The following ALDH1A1 variants were observed in gnomAD, a reference collection of about 807,000 sequenced individuals.
The protein encoded by ALDH1A1 is aldehyde dehydrogenase 1A1.
A neutral mutation model predicts 62.1 loss-of-function variants in ALDH1A1; 19 were observed. The ratio of observed to expected loss-of-function variants is 0.31; its 90% CI spans 0.21 to 0.45. The LOEUF is 0.45. ALDH1A1 is among the 20% of genes least tolerant of loss of function. The pLI is 1.00. For missense variants in ALDH1A1, 521 were observed against 607.1 expected, an observed-to-expected ratio of 0.86 and a Z score of 1.49; for synonymous variants, 231 against 215.9, an observed-to-expected ratio of 1.07 and a Z score of -0.61.
Position 72,952,976 on chromosome 9 carries a change from A to G in ALDH1A1, c.25T>C (p.Leu9=). The stretch of plus-strand genomic sequence containing the variant: ...TTCAAATCGGTGAGTAGGACAGGTA[A>G]GTCTGGCGTGCCTGAGGATGACATT... MSSSGTPD[L]PVLLTDLKIQ... Residue 9 remains leucine, a synonymous_variant, in exon 1 of 13, where the codon TTA becomes CTA. Transcript: ENST00000297785. 1 of 1,613,210 alleles carries G rather than the reference A, an allele frequency of 6.2e-7. No homozygotes were observed. Among genetic ancestry groups the G allele is most frequent in the Non-Finnish European group, 8.5e-7 (1 of 1,179,360 alleles).
intron 1 of ALDH1A1, chr9:72,942,381 A>C: frequency 2.0e-6 from 2 of 985,220 alleles, no homozygotes; most frequent in Non-Finnish European, 2.4e-6. Context: ...ACTGTCCCCC[A>C]GCCCTATCTC....
chr9:72,917,805 C>G (rs1408684049), intron 8 of ALDH1A1, among the ~76,000 whole-genome samples: 1 of 152,098 alleles, frequency 6.6e-6, no homozygotes, highest in Non-Finnish European at 1.5e-5. Flanking sequence ...ATTTTCTTTG[C>G]ATTTTAATTT....
intron 1 of ALDH1A1, 33 bp downstream of exon 1, chr9:72,952,902 C>T (rs765643108): frequency 1.1e-5 from 17 of 1,606,914 alleles, no homozygotes; most frequent in Middle Eastern, 1.7e-4. Context: ...TTTGCAAACC[C>T]GAGTCAAAGC....
chr9:72,952,848 A>C, intron 1 of ALDH1A1, 87 bp downstream of exon 1: 1 of 1,477,348 alleles, frequency 6.8e-7, no homozygotes, highest in Non-Finnish European at 9.2e-7. Context: ...CTCTTTACAC[A>C]AGTTTACTTA....
In ALDH1A1 at chr9:72,950,633, C is replaced by T. The variant is rs139405341; in HGVS notation, c.66+2302G>A. Among the ~76,000 whole-genome samples, 778 of 151,708 alleles carry T rather than the reference C, an allele frequency of 5.1e-3. 5 individuals are homozygous for T. The highest frequency in any genetic ancestry group is 0.017 in the African/African-American group (688 of 41,428). On this transcript the variant is annotated intron_variant, in intron 1 of 12. Transcript: ENST00000297785. ...GCTTGAGAGTATGTAGCTTTTCTAT[C>T]GTAGTTGTAATATTTTTTTTTTTAC...
At chr9:72,927,306 C>T (rs908944494) in intron 4 of ALDH1A1, 129 bp from the exon 5 acceptor site, 2 of 590,856 alleles carry the variant, frequency 3.4e-6, no homozygotes, top group African/African-American at 3.7e-5. Flanking sequence ...GGTGTGGTGG[C>T]TCACGCCTGT....
chr9:72,940,911 A>G (rs1302416085), intron 1 of ALDH1A1, among the ~76,000 whole-genome samples: 3 of 152,224 alleles, frequency 2.0e-5, no homozygotes, highest in Non-Finnish European at 4.4e-5. Context: ...GCACTAAAAA[A>G]TATGAAATTT....
intron 10 of ALDH1A1, among the ~76,000 whole-genome samples, chr9:72,911,530 C>T (rs896641094): frequency 6.6e-6 from 1 of 152,172 alleles, no homozygotes; most frequent in African/African-American, 2.4e-5. Context: ...CTCCCCCAAG[C>T]CCCTGGTAAC....
chr9:72,922,265 A>G (rs951316230), intron 7 of ALDH1A1, among the ~76,000 whole-genome samples: 1 of 152,166 alleles, frequency 6.6e-6, no homozygotes, highest in African/African-American at 2.4e-5. Context: ...AAGAAACTCA[A>G]ATTTAGTAAG....
At position 72,901,187 on chromosome 9, in the gene ALDH1A1, C is replaced by T; in HGVS notation, c.*21G>A. ...GAGATGCTTAGCTATTGAAGAGCTT[C>T]TCTCCACTCTTGTATTTTCTTTATG... On this transcript the variant is annotated 3_prime_UTR_variant, in exon 13 of 13. Transcript: ENST00000297785. The T allele has an allele frequency of 1.3e-6, 2 of 1,556,072 alleles. No individual in the cohort carries two copies. The highest frequency in any genetic ancestry group is 1.8e-6 in the Non-Finnish European group (2 of 1,129,300).
chr9:72,938,635 C>T (rs187598037), intron 2 of ALDH1A1, among the ~76,000 whole-genome samples: 127 of 151,348 alleles, frequency 8.4e-4, no homozygotes, highest in Non-Finnish European at 1.5e-3. Flanking sequence ...TCAGTAGAGA[C>T]GAGGTTTCAC....
At chr9:72,904,094 G>A (rs1402537317) in intron 12 of ALDH1A1, among the ~76,000 whole-genome samples, 1 of 152,048 alleles carries the variant, frequency 6.6e-6, no homozygotes, top group Non-Finnish European at 1.5e-5. Context: ...ATCTTAAGAG[G>A]AATGTGAACA....
chr9:72,927,145 G>A lies in ALDH1A1; in HGVS notation c.475C>T (p.Pro159Ser). ...ATGATTTGGCCACATACACCAATAG[G>A]TTCATGTCTTGTATATGTAAAAAAA... Reference protein sequence around the residue: ...GNFFTYTRHEPIGVCGQIIPW... With the variant: ...GNFFTYTRHESIGVCGQIIPW... Residue 159 changes from proline (P) to serine (S), a missense_variant, in exon 5 of 13, where the codon CCT becomes TCT. Coordinates refer to ENST00000297785, the MANE Select transcript of ALDH1A1 (RefSeq NM_000689.5). The A allele has an allele frequency of 6.2e-7, 1 of 1,607,502 alleles. No homozygotes were observed. The highest frequency in any genetic ancestry group is 8.5e-7 in the Non-Finnish European group (1 of 1,176,632).
At chr9:72,909,111 ATAAAGT>A (rs1193920036) in intron 11 of ALDH1A1, among the ~76,000 whole-genome samples, 3 of 151,100 alleles carry the variant, frequency 2.0e-5, no homozygotes, top group African/African-American at 7.3e-5. Flanking sequence ...AAGAAGCTAG[ATAAAGT>A]TAAAGAAAAT....
At chr9:72,908,552 G>GAAAGAAAAGAAAGAAGAAAGAAAGA (rs1363942326) in intron 11 of ALDH1A1, among the ~76,000 whole-genome samples, 1 of 91,850 alleles carries the variant, frequency 1.1e-5, no homozygotes, top group African/African-American at 5.1e-5. Flanking sequence ...AGAAAAGAAA[G>GAAAGAAAAGAAAGAAGAAAGAAAGA]AAGAAAGAAA....
Position 72,901,147 on chromosome 9 carries a change from A to G in ALDH1A1, c.*61T>C. On this transcript the variant is annotated 3_prime_UTR_variant, in exon 13 of 13. Coordinates refer to ENST00000297785, the MANE Select transcript of ALDH1A1 (RefSeq NM_000689.5). ...AAATTTTGTCTTTAAAATCTACTAT[A>G]TTAGTGACTGTAAGGAGATGCTTAG... 3.8e-6 allele frequency: 5 copies of G among 1,303,624 alleles called. No homozygotes were observed. Among genetic ancestry groups the G allele is most frequent in the Non-Finnish European group, 5.5e-6 (5 of 912,610 alleles). 80.8% of individuals were successfully genotyped at this position (1,303,624 alleles called of 1,614,324 possible).
At chr9:72,952,818 A>G (rs1830558504) in intron 1 of ALDH1A1, 117 bp downstream of exon 1, 1 of 1,187,084 alleles carries the variant, frequency 8.4e-7, no homozygotes, top group Non-Finnish European at 1.2e-6. Context: ...CATGCCTTTT[A>G]TTTTTATATT....
At chr9:72,940,123 A>G (rs770699992) in intron 2 of ALDH1A1, 25 bp downstream of exon 2, 7 of 1,557,448 alleles carry the variant, frequency 4.5e-6, no homozygotes, top group Middle Eastern at 1.7e-4. Context: ...CTGGCATAAA[A>G]TGAAACTAGT....
In ALDH1A1 at chr9:72,944,730, C is replaced by T. The variant is rs186708468; in HGVS notation, c.67-4478G>A. On this transcript the variant is annotated intron_variant, in intron 1 of 12. Coordinates refer to ENST00000297785, the MANE Select transcript of ALDH1A1 (RefSeq NM_000689.5). ...CCAGCTTAGAGGAAAAGAGATGATA[C>T]TATAAAAGTAAAATATTCTTGGGTT... Among the ~76,000 whole-genome samples, 124 of 152,068 alleles carry T rather than the reference C, an allele frequency of 8.2e-4. No homozygotes were observed. In the Middle Eastern group the frequency reaches 0.01, roughly 13 times the overall value.
Sources: gnomAD v4.1 joint callset for allele counts (sites outside exome capture counted in the v4.1 genomes callset) on GRCh38, gnomAD v4.1.1 for gene constraint, MANE v1.5 for transcripts, NCBI Gene and HGNC (gene_info 2026-07-23, HGNC 2026-07-21) for gene names.